KCNK10: variants seen among roughly 807,000 people sequenced by gnomAD.
KCNK10 encodes the protein potassium channel subfamily K member 10.
A neutral mutation model predicts 47.7 loss-of-function variants in KCNK10; 25 were observed. The observed-to-expected ratio is 0.52, with a 90% CI of 0.38 to 0.73. The LOEUF is 0.73. Among genes scored for constraint, KCNK10 ranks in the 30% least tolerant of loss-of-function variants. The pLI, the probability that KCNK10 is intolerant of heterozygous loss-of-function variation, is 0.00. For synonymous variants in KCNK10, 303 were observed against 285.6 expected, an observed-to-expected ratio of 1.06 and a Z score of -0.61; for missense variants, 563 against 714.5, an observed-to-expected ratio of 0.79 and a Z score of 2.42.
chr14:88,233,781 C>T lies in KCNK10; in HGVS notation c.521-6246G>A, dbSNP rs149576747. ...ACCAAGTTCCTGGATTCCTAACAAG[C>T]TAACACAATAAATACCATTAATGCA... On this transcript the variant is annotated intron_variant, in intron 3 of 6. Transcript: ENST00000319231. 3.3e-5 allele frequency among the ~76,000 whole-genome samples: 5 copies of T among 152,318 alleles called. No homozygotes were observed. In the East Asian group the frequency reaches 9.6e-4, roughly 29 times the overall value.
intron 1 of KCNK10, among the ~76,000 whole-genome samples, chr14:88,313,872 G>A (rs899531728): frequency 3.3e-5 from 5 of 152,298 alleles, no homozygotes; most frequent in South Asian, 4.1e-4. Context: ...GACTGAGCAC[G>A]TATCATCCTG....
chr14:88,253,002 G>A (rs990837301), intron 2 of KCNK10, among the ~76,000 whole-genome samples: 10 of 152,134 alleles, frequency 6.6e-5, no homozygotes, highest in African/African-American at 1.7e-4. Context: ...TTAAGAGAGC[G>A]TGGCCTCTGG....
intron 4 of KCNK10, among the ~76,000 whole-genome samples, chr14:88,206,462 G>C (rs979459296): frequency 6.6e-6 from 1 of 152,150 alleles, no homozygotes; most frequent in African/African-American, 2.4e-5. Context: ...TACATGTGAA[G>C]ACACACACAC....
intron 4 of KCNK10, among the ~76,000 whole-genome samples, chr14:88,206,020 CAGAT>C (rs1885263135): frequency 6.6e-6 from 1 of 152,062 alleles, no homozygotes; most frequent in Non-Finnish European, 1.5e-5. Context: ...AAGGTATAGT[CAGAT>C]GGATGTACAC....
In KCNK10 at chr14:88,181,224, C is replaced by T. The variant is rs17124177; in HGVS notation, c.*4311G>A. On this transcript the variant is annotated 3_prime_UTR_variant, in exon 7 of 7. Transcript: ENST00000319231. Reference sequence around the variant, plus strand: ...CCCACCCAAACTCTGGTCACCTTCTCACTAGTCCTCAGAACCCAGCATGCA... The same window carrying T: ...CCCACCCAAACTCTGGTCACCTTCTTACTAGTCCTCAGAACCCAGCATGCA... 0.042 allele frequency: 7,039 copies of T among 166,944 alleles called. 415 individuals carry two copies. The highest frequency in any genetic ancestry group is 0.21 in the East Asian group (1,307 of 6,242). 10.3% of individuals were successfully genotyped at this position (166,944 alleles called of 1,614,324 possible).
Position 88,322,760 on chromosome 14 carries a change from G to T in KCNK10, c.39C>A (p.Asn13Lys). Residue 13 changes from asparagine (N) to lysine (K), a missense_variant, in exon 1 of 7, where the codon AAC becomes AAA. Asn to Lys is a moderately conservative substitution (Grantham distance 94, BLOSUM62 0). Coordinates refer to ENST00000319231, the MANE Select transcript of KCNK10 (RefSeq NM_138317.3). The surrounding 1 kb of genome is among the most constrained non-coding windows in gnomAD (Gnocchi z 4.8). Reference sequence around the variant, plus strand: ...GGAAACACCCACCTTTAGGATCCCAGTTCACCTGTTTTCTTGGCGTCTCGA... The same window carrying T: ...GGAAACACCCACCTTTAGGATCCCATTTCACCTGTTTTCTTGGCGTCTCGA... Reference protein sequence around the residue: ...FPIETPRKQVNWDPKVAVPAA... With the variant: ...FPIETPRKQVKWDPKVAVPAA... 6.2e-7 allele frequency: 1 copy of T among 1,614,172 alleles called. No homozygotes were observed. Among genetic ancestry groups the T allele is most frequent in the Non-Finnish European group, 8.5e-7 (1 of 1,180,020 alleles).
rs1230749046 is a variant in KCNK10, at chr14:88,246,207, G to A, written c.403-5387C>T. Reference sequence around the variant, plus strand: ...GAACCAGGGAGGCTGAGCTTGCGGTGAGCCCAGATCGCGCCACTGCACTCC... The same window carrying A: ...GAACCAGGGAGGCTGAGCTTGCGGTAAGCCCAGATCGCGCCACTGCACTCC... On this transcript the variant is annotated intron_variant, in intron 2 of 6. Coordinates refer to ENST00000319231, the MANE Select transcript of KCNK10 (RefSeq NM_138317.3). Among the ~76,000 whole-genome samples the A allele has an allele frequency of 2.7e-5, 4 of 148,550 alleles. No individual in the cohort carries two copies. In the Admixed American group the frequency reaches 2.7e-4, roughly 10 times the overall value.
chr14:88,218,869 G>A (rs1487802604), intron 4 of KCNK10, among the ~76,000 whole-genome samples: 3 of 152,156 alleles, frequency 2.0e-5, no homozygotes, highest in African/African-American at 7.2e-5. Context: ...AGATATTTGG[G>A]ATGCTAACTG....
intron 4 of KCNK10, among the ~76,000 whole-genome samples, chr14:88,209,987 G>C (rs1885403408): frequency 6.6e-6 from 1 of 152,244 alleles, no homozygotes; most frequent in Non-Finnish European, 1.5e-5. Context: ...GCAGGTGCTT[G>C]TGTGATGTGA....
chr14:88,188,650 T>C (rs1041341715), intron 5 of KCNK10, among the ~76,000 whole-genome samples: 1 of 152,214 alleles, frequency 6.6e-6, no homozygotes, highest in African/African-American at 2.4e-5. Context: ...GATTTAATGC[T>C]AACTGAGGAA....
At chr14:88,287,447 T>C (rs1410960396) in intron 1 of KCNK10, among the ~76,000 whole-genome samples, 8 of 152,198 alleles carry the variant, frequency 5.3e-5, no homozygotes, top group African/African-American at 1.9e-4. Context: ...GTACCCAATT[T>C]GCTGTCTTTT....
chr14:88,285,829 A>G (rs572490429), intron 1 of KCNK10, among the ~76,000 whole-genome samples: 95 of 152,300 alleles, frequency 6.2e-4, no homozygotes, highest in Middle Eastern at 3.4e-3. Flanking sequence ...AATCTCTCCT[A>G]TCCCATATAC....
At chr14:88,300,260 A>C (rs1002871778) in intron 1 of KCNK10, among the ~76,000 whole-genome samples, 1 of 152,188 alleles carries the variant, frequency 6.6e-6, no homozygotes, top group Non-Finnish European at 1.5e-5. Context: ...CTGAGTAACG[A>C]AAGTTCAAAA....
At chr14:88,217,816 C>T (rs910649290) in intron 4 of KCNK10, among the ~76,000 whole-genome samples, 7 of 152,016 alleles carry the variant, frequency 4.6e-5, no homozygotes, top group East Asian at 1.9e-4. Flanking sequence ...TCTGCCTCCC[C>T]GGTTCAAGTG....
chr14:88,252,084 A>G (rs983159633), intron 2 of KCNK10, among the ~76,000 whole-genome samples: 12 of 151,744 alleles, frequency 7.9e-5, no homozygotes, highest in Non-Finnish European at 1.6e-4. Flanking sequence ...AAACCAAGAC[A>G]CTTTTTTTTT....
chr14:88,241,756 G>A (rs942644479), intron 2 of KCNK10, among the ~76,000 whole-genome samples: 1 of 152,128 alleles, frequency 6.6e-6, no homozygotes, highest in East Asian at 1.9e-4. Flanking sequence ...CTTCTTCCAG[G>A]AGACTTAGTC....
Position 88,184,212 on chromosome 14 carries a change from G to A in KCNK10, c.*1323C>T, listed in dbSNP as rs919143049. 2 of 152,296 alleles carry A rather than the reference G, an allele frequency of 1.3e-5. No individual in the cohort carries two copies. The highest frequency in any genetic ancestry group is 2.9e-5 in the Non-Finnish European group (2 of 68,042). The allele number at this position is 152,296 out of a possible 1,614,324, so 9.4% of individuals were successfully genotyped here. On this transcript the variant is annotated 3_prime_UTR_variant, in exon 7 of 7. Transcript: ENST00000319231. ...CATAATTATGATGTGTTAGCTTATC[G>A]TTTGCCTGGGAACAATCAGTCTAGG...
intron 1 of KCNK10, among the ~76,000 whole-genome samples, chr14:88,321,027 G>A (rs977034742): frequency 9.9e-5 from 15 of 152,128 alleles, no homozygotes; most frequent in Non-Finnish European, 5.9e-5. Context: ...GCATACTTCC[G>A]TATTTCCAGA....
chr14:88,192,494 G>A, intron 4 of KCNK10, 84 bp from the exon 5 acceptor site: 1 of 1,191,460 alleles, frequency 8.4e-7, no homozygotes, highest in South Asian at 1.5e-5. Flanking sequence ...ACGGTACTGT[G>A]TCAGTGACTT....
Sources: gnomAD v4.1 joint callset for allele counts (sites outside exome capture counted in the v4.1 genomes callset) on GRCh38, gnomAD v4.1.1 for gene constraint, Gnocchi (gnomAD v3.1) non-coding constraint, MANE v1.5 for transcripts, NCBI Gene and HGNC (gene_info 2026-07-23, HGNC 2026-07-21) for gene names.